Variants in B3GALT1 observed in about 807,000 individuals in gnomAD.
The protein encoded by B3GALT1 is beta-1,3-galactosyltransferase 1, also known as UDP-Gal:betaGlcNAc beta 1,3-galactosyltransferase, polypeptide 1.
In B3GALT1, 10 loss-of-function variants were observed where a neutral mutation model predicts 23.2. The ratio of observed to expected loss-of-function variants is 0.43; its 90% CI spans 0.27 to 0.73. The LOEUF is 0.73. B3GALT1 is among the 30% of genes least tolerant of loss of function. B3GALT1 has a pLI of 0.21. For missense variants in B3GALT1, 299 were observed against 405.4 expected, an observed-to-expected ratio of 0.74 and a Z score of 2.25; for synonymous variants, 156 against 141.5, an observed-to-expected ratio of 1.10 and a Z score of -0.73.
intron 3 of B3GALT1, among the ~76,000 whole-genome samples, chr2:167,659,542 A>C (rs2105471129): frequency 6.6e-6 from 1 of 152,206 alleles, no homozygotes; most frequent in Non-Finnish European, 1.5e-5. Flanking sequence ...CGGAGTCAGG[A>C]GGCAAAAATG....
intron 1 of B3GALT1, among the ~76,000 whole-genome samples, chr2:167,417,721 T>G (rs938746995): frequency 1.3e-5 from 2 of 152,206 alleles, no homozygotes; most frequent in East Asian, 3.8e-4. Context: ...AGTTTTATAA[T>G]TTCACTTCAC....
Position 167,406,774 on chromosome 2 carries a change from A to G in B3GALT1, c.-510-83403A>G, listed in dbSNP as rs563429125. 3.3e-5 allele frequency among the ~76,000 whole-genome samples: 5 copies of G among 152,270 alleles called. No individual in the cohort carries two copies. In the East Asian group the frequency reaches 9.7e-4, roughly 29 times the overall value. ...ACACCAAATCAGACTCAGCAACACC[A>G]TGCTGTCGGATGGTACATTCCACAG... On this transcript the variant is annotated intron_variant, in intron 1 of 4. Coordinates refer to ENST00000392690, the MANE Select transcript of B3GALT1 (RefSeq NM_020981.4).
intron 3 of B3GALT1, among the ~76,000 whole-genome samples, chr2:167,807,046 G>A (rs1487244193): frequency 1.3e-5 from 2 of 152,018 alleles, no homozygotes; most frequent in Admixed American, 6.6e-5. Context: ...GTCTTGGGAG[G>A]GTGTATGTGT....
In B3GALT1 at chr2:167,601,742, G is replaced by A. The variant is rs375895175; in HGVS notation, c.-409-45167G>A. On this transcript the variant is annotated intron_variant, in intron 2 of 4. Coordinates refer to ENST00000392690, the MANE Select transcript of B3GALT1 (RefSeq NM_020981.4). Reference sequence around the variant, plus strand: ...ACACCTGAGTTCTTCTCACACACCAGGTGATTCCATATTGAGAAGTGCTTG... The same window carrying A: ...ACACCTGAGTTCTTCTCACACACCAAGTGATTCCATATTGAGAAGTGCTTG... Among the ~76,000 whole-genome samples the A allele has an allele frequency of 2.6e-5, 4 of 152,130 alleles. No individual in the cohort carries two copies. The South Asian group carries it at 8.3e-4, about 32-fold the overall frequency.
intron 3 of B3GALT1, among the ~76,000 whole-genome samples, chr2:167,686,032 C>T (rs11885465): frequency 9.3e-4 from 141 of 152,304 alleles, no homozygotes; most frequent in African/African-American, 3.0e-3. Flanking sequence ...GACTGTCAGT[C>T]TGTGAGCCTG....
At chr2:167,774,490 T>C (rs77428147) in intron 3 of B3GALT1, among the ~76,000 whole-genome samples, 1 of 89,636 alleles carries the variant, frequency 1.1e-5, no homozygotes, top group African/African-American at 5.3e-5. Context: ...TTTTTGTTTT[T>C]TTTTTTGTTT....
At chr2:167,494,898 G>T (rs1480770909) in intron 2 of B3GALT1, among the ~76,000 whole-genome samples, 2 of 152,004 alleles carry the variant, frequency 1.3e-5, no homozygotes, top group African/African-American at 4.8e-5. Flanking sequence ...ACTGACTTGG[G>T]GCCCTGGTAT....
At chr2:167,424,136 A>G (rs1698589305) in intron 1 of B3GALT1, among the ~76,000 whole-genome samples, 1 of 152,206 alleles carries the variant, frequency 6.6e-6, no homozygotes. Context: ...CTAACATGCT[A>G]AATTGTTTGC....
chr2:167,516,322 C>T (rs1055465952), intron 2 of B3GALT1, among the ~76,000 whole-genome samples: 1 of 152,138 alleles, frequency 6.6e-6, no homozygotes, highest in Non-Finnish European at 1.5e-5. Context: ...CTCAACACTT[C>T]TGCCTAAGCG....
At chr2:167,731,205 C>G (rs1430064867) in intron 3 of B3GALT1, among the ~76,000 whole-genome samples, 1 of 152,196 alleles carries the variant, frequency 6.6e-6, no homozygotes, top group East Asian at 1.9e-4. Flanking sequence ...CTCTGGAGAT[C>G]AATTTTTCAT....
intron 3 of B3GALT1, among the ~76,000 whole-genome samples, chr2:167,742,068 A>G (rs1184864701): frequency 6.6e-6 from 1 of 152,210 alleles, no homozygotes; most frequent in Non-Finnish European, 1.5e-5. Context: ...AGAAGTTTCT[A>G]CTAAAGTAAT....
intron 3 of B3GALT1, among the ~76,000 whole-genome samples, chr2:167,723,304 T>C (rs1687261474): frequency 6.6e-6 from 1 of 152,234 alleles, no homozygotes; most frequent in Admixed American, 6.5e-5. Flanking sequence ...AGTCTTCTCA[T>C]TTAGTAGATG....
chr2:167,715,949 A>T (rs1230304722), intron 3 of B3GALT1: 1 of 1,613,144 alleles, frequency 6.2e-7, no homozygotes, highest in Non-Finnish European at 8.5e-7. Flanking sequence ...GTTCGCATGG[A>T]AAACCATAAG....
intron 2 of B3GALT1, among the ~76,000 whole-genome samples, chr2:167,493,020 T>A (rs541108979): frequency 2.0e-5 from 3 of 152,168 alleles, no homozygotes; most frequent in Non-Finnish European, 4.4e-5. Flanking sequence ...TAAATATGCA[T>A]ATTCTATAGA....
In B3GALT1 at chr2:167,870,913, T is replaced by G. The variant is rs1690334523; in HGVS notation, c.*893T>G. On this transcript the variant is annotated 3_prime_UTR_variant, in exon 5 of 5. Transcript: ENST00000392690. ...GAGGCCAGAGAACAATAAATCACATTGAGAAAATACAAATTTAAGTATGCA... is the reference window on the plus strand; with the variant it reads ...GAGGCCAGAGAACAATAAATCACATGGAGAAAATACAAATTTAAGTATGCA... The G allele has an allele frequency of 6.0e-6, 1 of 166,862 alleles. No individual in the cohort carries two copies. The highest frequency in any genetic ancestry group is 2.4e-5 in the African/African-American group (1 of 41,376). The allele number at this position is 166,862 out of a possible 1,614,324, so 10.3% of individuals were successfully genotyped here.
At chr2:167,365,867 C>G (rs1697577168) in intron 1 of B3GALT1, among the ~76,000 whole-genome samples, 1 of 152,094 alleles carries the variant, frequency 6.6e-6, no homozygotes, top group Non-Finnish European at 1.5e-5. Flanking sequence ...AGTACTTATA[C>G]AAGACAGCAG....
At chr2:167,689,889 A>T (rs1686682357) in intron 3 of B3GALT1, among the ~76,000 whole-genome samples, 1 of 152,154 alleles carries the variant, frequency 6.6e-6, no homozygotes, top group South Asian at 2.1e-4. Context: ...TTCTGTTTCA[A>T]CAACTGGAAG....
intron 1 of B3GALT1, among the ~76,000 whole-genome samples, chr2:167,465,151 A>G (rs1190328226): frequency 2.0e-5 from 3 of 152,222 alleles, no homozygotes. Flanking sequence ...AAAATAGTTA[A>G]TAAAGTAAGA....
chr2:167,331,177 G>A (rs535836108), intron 1 of B3GALT1, among the ~76,000 whole-genome samples: 3 of 152,200 alleles, frequency 2.0e-5, no homozygotes, highest in Admixed American at 6.5e-5. Context: ...AGGCTGTGGC[G>A]AAGTTATTCT....
Sources: gnomAD v4.1 joint callset for allele counts (sites outside exome capture counted in the v4.1 genomes callset) on GRCh38, gnomAD v4.1.1 for gene constraint, MANE v1.5 for transcripts, NCBI Gene and HGNC (gene_info 2026-07-23, HGNC 2026-07-21) for gene names.